DLG2: variants seen among roughly 807,000 people sequenced by gnomAD.
DLG2 encodes the protein discs large MAGUK scaffold protein 2.
A neutral mutation model predicts 132.5 loss-of-function variants in DLG2; 45 were observed. The ratio of observed to expected loss-of-function variants is 0.34; its 90% CI spans 0.27 to 0.44. DLG2 has a LOEUF of 0.44. Ranked by LOEUF, DLG2 falls within the 20% of genes least tolerant of loss-of-function variation. The pLI is 1.00. For synonymous variants in DLG2, 424 were observed against 419.6 expected (o/e 1.01, Z -0.13); for missense variants, 1,045 against 1,196.9 (o/e 0.87, Z 1.87).
At chr11:83,751,420 A>C (rs1475718674) in intron 18 of DLG2, among the ~76,000 whole-genome samples, 1 of 152,220 alleles carries the variant, frequency 6.6e-6, no homozygotes, top group Non-Finnish European at 1.5e-5. Flanking sequence ...AGAAGTTTAG[A>C]GTAGAAGAAT....
intron 6 of DLG2, among the ~76,000 whole-genome samples, chr11:84,921,606 G>A (rs1020890931): frequency 2.0e-5 from 3 of 152,148 alleles, no homozygotes; most frequent in Non-Finnish European, 4.4e-5. Context: ...AAGTTTTCCT[G>A]CACTTCCAAA....
chr11:85,138,746 A>C (rs573155786), intron 5 of DLG2, among the ~76,000 whole-genome samples: 1 of 150,176 alleles, frequency 6.7e-6, no homozygotes, highest in Non-Finnish European at 1.5e-5. Context: ...TCATTTTCTC[A>C]TACTGTCACC....
At chr11:84,281,792 T>C (rs552860039) in intron 7 of DLG2, among the ~76,000 whole-genome samples, 62 of 152,140 alleles carry the variant, frequency 4.1e-4, no homozygotes, top group Admixed American at 1.2e-3. Context: ...GTTAGAGAAA[T>C]GAAAATTAAA....
intron 20 of DLG2, among the ~76,000 whole-genome samples, chr11:83,536,534 G>C (rs3793945): frequency 0.44 from 67,045 of 150,900 alleles, 15,060 homozygotes; most frequent in Middle Eastern, 0.56. Context: ...TGAGAGTTAA[G>C]TCTGGAAAAT....
intron 6 of DLG2, among the ~76,000 whole-genome samples, chr11:84,933,900 T>G (rs1277494769): frequency 2.6e-5 from 4 of 152,206 alleles, no homozygotes; most frequent in Non-Finnish European, 4.4e-5. Context: ...AGTACTATGT[T>G]GAACAAGAGT....
intron 2 of DLG2, among the ~76,000 whole-genome samples, chr11:85,610,486 A>AC (rs1446406880): frequency 2.0e-5 from 3 of 152,042 alleles, no homozygotes; most frequent in Non-Finnish European, 4.4e-5. Flanking sequence ...GCCTGTGAGG[A>AC]CCCCACAGAC....
chr11:84,979,322 A>G (rs1248787865), intron 6 of DLG2, among the ~76,000 whole-genome samples: 1 of 152,190 alleles, frequency 6.6e-6, no homozygotes, highest in Non-Finnish European at 1.5e-5. Flanking sequence ...TACCCAAAGG[A>G]TTATAAGTCA....
chr11:85,027,173 C>CT lies in DLG2; in HGVS notation c.357+84487dup, dbSNP rs10571202. Among the ~76,000 whole-genome samples the CT allele has an allele frequency of 4.8e-3, 335 of 69,366 alleles. 33 individuals are homozygous for CT. The highest frequency in any genetic ancestry group is 6.7e-3 in the Non-Finnish European group (260 of 38,790). The allele number at this position is 69,366 out of a possible 152,430, so 45.5% of individuals were successfully genotyped here. A position where few individuals can be genotyped will look rare whatever the true frequency, so the allele number is the denominator to read the frequency against. On this transcript the variant is annotated intron_variant, in intron 6 of 27. Coordinates refer to ENST00000376104, the MANE Select transcript of DLG2 (RefSeq NM_001142699.3). ...TAAAGCAGCATATACAGTGTGGTCT[C>CT]TTTTTTTTTTTTTTTTTTTTTTTTT...
intron 3 of DLG2, among the ~76,000 whole-genome samples, chr11:85,415,059 G>A (rs1406485438): frequency 1.3e-5 from 2 of 151,978 alleles, no homozygotes; most frequent in Non-Finnish European, 2.9e-5. Flanking sequence ...CTCTCCCTGT[G>A]TCCATGTGTT....
At chr11:85,393,939 C>A (rs947355880) in intron 3 of DLG2, among the ~76,000 whole-genome samples, 1 of 152,016 alleles carries the variant, frequency 6.6e-6, no homozygotes, top group Non-Finnish European at 1.5e-5. Context: ...GAATAAAAGA[C>A]TACACACTGG....
At chr11:84,418,932 C>A (rs2098939156) in intron 7 of DLG2, among the ~76,000 whole-genome samples, 1 of 152,094 alleles carries the variant, frequency 6.6e-6, no homozygotes, top group Non-Finnish European at 1.5e-5. Context: ...ATGATGTATT[C>A]CCTCTTTAGT....
chr11:85,064,873 T>G (rs2064668798), intron 6 of DLG2, among the ~76,000 whole-genome samples: 1 of 151,710 alleles, frequency 6.6e-6, no homozygotes, highest in South Asian at 2.1e-4. Context: ...GTTTCCACCC[T>G]TCCAGCCTCT....
intron 18 of DLG2, among the ~76,000 whole-genome samples, chr11:83,772,572 G>A (rs980699791): frequency 6.6e-6 from 1 of 150,640 alleles, no homozygotes; most frequent in African/African-American, 2.4e-5. Context: ...GAAAGAAACA[G>A]AGAAAGAAAG....
At chr11:84,496,720 T>G (rs2099185316) in intron 7 of DLG2, among the ~76,000 whole-genome samples, 1 of 152,160 alleles carries the variant, frequency 6.6e-6, no homozygotes, top group African/African-American at 2.4e-5. Flanking sequence ...TATTACATGA[T>G]TTCCAAAGCA....
chr11:84,519,292 AT>A (rs2099286176), intron 7 of DLG2, among the ~76,000 whole-genome samples: 1 of 152,206 alleles, frequency 6.6e-6, no homozygotes, highest in Admixed American at 6.5e-5. Context: ...CTGTGATAGA[AT>A]TCTATGGAAA....
At chr11:85,174,375 G>A (rs1181442479) in intron 4 of DLG2, among the ~76,000 whole-genome samples, 3 of 152,038 alleles carry the variant, frequency 2.0e-5, no homozygotes, top group African/African-American at 7.2e-5. Flanking sequence ...ATGACACTTT[G>A]GTCAAAAATG....
intron 6 of DLG2, among the ~76,000 whole-genome samples, chr11:84,716,340 A>T (rs558268878): frequency 1.3e-5 from 2 of 152,224 alleles, no homozygotes; most frequent in Admixed American, 6.5e-5. Context: ...TTTATAAAGT[A>T]TTTTTAGAAT....
At chr11:83,872,223 A>C (rs2063596029) in intron 16 of DLG2, among the ~76,000 whole-genome samples, 1 of 152,216 alleles carries the variant, frequency 6.6e-6, no homozygotes, top group Non-Finnish European at 1.5e-5. Context: ...AGATCACGCC[A>C]CTTCACTTCA....
chr11:84,942,595 T>C (rs965134029), intron 6 of DLG2, among the ~76,000 whole-genome samples: 1 of 152,210 alleles, frequency 6.6e-6, no homozygotes, highest in African/African-American at 2.4e-5. Flanking sequence ...ATATTTTAAA[T>C]TATTACAATT....
Sources: gnomAD v4.1 joint callset for allele counts (sites outside exome capture counted in the v4.1 genomes callset) on GRCh38, gnomAD v4.1.1 for gene constraint, MANE v1.5 for transcripts, NCBI Gene and HGNC (gene_info 2026-07-23, HGNC 2026-07-21) for gene names.